The following SCTR variants were observed in gnomAD, a reference collection of about 807,000 sequenced individuals.
The protein encoded by SCTR is secretin receptor.
SCTR carries 56 observed loss-of-function variants against 60.8 expected under a neutral mutation model. The observed-to-expected ratio is 0.92, with a 90% CI of 0.74 to 1.15. The LOEUF is 1.15. Ranked by LOEUF, SCTR falls within the 50% of genes most tolerant of loss-of-function variation. SCTR has a pLI of 0.00. For missense variants in SCTR, 562 were observed against 550.4 expected (o/e 1.02, Z -0.21); for synonymous variants, 202 against 217.0 (o/e 0.93, Z 0.61).
intron 2 of SCTR, among the ~76,000 whole-genome samples, chr2:119,492,834 A>ATTTG (rs1162766782): frequency 8.8e-3 from 4 of 454 alleles, no homozygotes; most frequent in African/African-American, 0.057. Flanking sequence ...CTTTTTTAAT[A>ATTTG]TTTATTTATT....
At chr2:119,517,869 T>A (rs1679164427) in intron 1 of SCTR, among the ~76,000 whole-genome samples, 1 of 152,156 alleles carries the variant, frequency 6.6e-6, no homozygotes, top group African/African-American at 2.4e-5. Context: ...CTCCACTAAA[T>A]TCATATGTTG....
chr2:119,473,426 T>C lies in SCTR; in HGVS notation c.405+27A>G, dbSNP rs752528854. On this transcript the variant is annotated intron_variant, in intron 4 of 12. Coordinates refer to ENST00000019103, the MANE Select transcript of SCTR (RefSeq NM_002980.3). ...ACCCTATAGGTTCCTGTCCCCGGGT[T>C]CGTGGGGTGGAGGTTGACAGGCTTA... 5 of 1,523,766 alleles carry C rather than the reference T, an allele frequency of 3.3e-6. No homozygotes were observed. In the South Asian group the frequency reaches 3.4e-5, roughly 10 times the overall value. The allele number at this position is 1,523,766 out of a possible 1,614,324, so 94.4% of individuals were successfully genotyped here.
At chr2:119,501,252 T>C (rs541417633) in intron 1 of SCTR, among the ~76,000 whole-genome samples, 7 of 152,014 alleles carry the variant, frequency 4.6e-5, no homozygotes, top group East Asian at 1.9e-4. Flanking sequence ...CTACTAAAAA[T>C]ACAAAAAATT....
Position 119,461,914 on chromosome 2 carries a change from G to T in SCTR, c.723C>A (p.His241Gln). ...SWLLVEGLYL[H>Q]TLLAISFFSE... ...AGAAGAAGGAGATGGCGAGGAGTGT[G>T]TGAAGGTAGAGGCCTTCCACCAGCA... The change falls in exon 7 of 13, where the codon CAC (histidine) becomes CAA (glutamine). Residue 241 changes from histidine to glutamine, a missense_variant. His to Gln is a conservative substitution (Grantham distance 24). Transcript: ENST00000019103. 1 of 1,614,040 alleles carries T rather than the reference G, an allele frequency of 6.2e-7. No individual in the cohort carries two copies. The highest frequency in any genetic ancestry group is 1.1e-5 in the South Asian group (1 of 91,032).
At chr2:119,508,854 C>T (rs550949564) in intron 1 of SCTR, among the ~76,000 whole-genome samples, 1 of 152,146 alleles carries the variant, frequency 6.6e-6, no homozygotes, top group Admixed American at 6.5e-5. Flanking sequence ...ACTCTCTAAG[C>T]AATTTTCAAA....
At chr2:119,494,660 C>T in intron 1 of SCTR, 112 bp from the exon 2 acceptor site, 1 of 1,135,290 alleles carries the variant, frequency 8.8e-7, no homozygotes, top group African/African-American at 1.5e-5. Flanking sequence ...TAAAGCAAAG[C>T]CCTTGCCTGC....
chr2:119,489,210 G>A lies in SCTR; in HGVS notation c.193+5218C>T, dbSNP rs140958509. Among the ~76,000 whole-genome samples, 575 of 152,252 alleles carry A rather than the reference G, an allele frequency of 3.8e-3. 4 individuals are homozygous for A. Among genetic ancestry groups the A allele is most frequent in the African/African-American group, 0.013 (529 of 41,534 alleles). On this transcript the variant is annotated intron_variant, in intron 2 of 12. Transcript: ENST00000019103. Reference sequence around the variant, plus strand: ...AGACCCTGGAAAGCATCCCTCCACCGGTGACCAGGACCACGTTGCTCGCCT... The same window carrying A: ...AGACCCTGGAAAGCATCCCTCCACCAGTGACCAGGACCACGTTGCTCGCCT...
rs1683034307 is a variant in SCTR, at chr2:119,448,888, C to A, written c.922-108G>T. 1.1e-5 allele frequency: 7 copies of A among 655,460 alleles called. No individual in the cohort carries two copies. The South Asian group carries it at 1.2e-4, about 12-fold the overall frequency. The allele number at this position is 655,460 out of a possible 1,614,324, so 40.6% of individuals were successfully genotyped here. On this transcript the variant is annotated intron_variant, in intron 9 of 12. Transcript: ENST00000019103. Reference sequence around the variant, plus strand: ...GGCAGAGAAGACATTGCAGACACCACAGCCAGGATGGCCCACCAGTGCTGC... The same window carrying A: ...GGCAGAGAAGACATTGCAGACACCAAAGCCAGGATGGCCCACCAGTGCTGC...
intron 4 of SCTR, among the ~76,000 whole-genome samples, 188 bp from the exon 5 acceptor site, chr2:119,466,074 C>T (rs984821188): frequency 3.3e-5 from 5 of 152,062 alleles, no homozygotes; most frequent in East Asian, 3.9e-4. Context: ...TAGGGATCAT[C>T]TGATGATCCC....
At chr2:119,443,516 G>A (rs1682733054) in intron 11 of SCTR, among the ~76,000 whole-genome samples, 1 of 152,016 alleles carries the variant, frequency 6.6e-6, no homozygotes, top group Non-Finnish European at 1.5e-5. Flanking sequence ...TTCACAATAA[G>A]CAAGCATTAT....
intron 1 of SCTR, among the ~76,000 whole-genome samples, chr2:119,509,110 C>T (rs143873454): frequency 4.6e-4 from 70 of 152,282 alleles, no homozygotes; most frequent in African/African-American, 1.6e-3. Context: ...GTCAATGGGA[C>T]GTTAGTGATT....
intron 1 of SCTR, among the ~76,000 whole-genome samples, chr2:119,509,389 G>GT (rs1471102582): frequency 2.0e-5 from 3 of 152,162 alleles, no homozygotes; most frequent in Non-Finnish European, 4.4e-5. Flanking sequence ...CTCCAGGGCG[G>GT]TATCAATGTG....
intron 3 of SCTR, among the ~76,000 whole-genome samples, chr2:119,477,602 C>T (rs1364670361): frequency 6.6e-6 from 1 of 152,114 alleles, no homozygotes; most frequent in Non-Finnish European, 1.5e-5. Context: ...AGGTGTGCAC[C>T]ACCACGCCTA....
intron 1 of SCTR, among the ~76,000 whole-genome samples, chr2:119,496,863 A>C (rs544967416): frequency 0.018 from 2,666 of 151,854 alleles, 35 homozygotes; most frequent in South Asian, 0.025. Context: ...GGGAGTCCGG[A>C]CCCCCACCCT....
intron 9 of SCTR, among the ~76,000 whole-genome samples, chr2:119,450,848 G>C (rs1683136200): frequency 6.6e-6 from 1 of 152,114 alleles, no homozygotes; most frequent in Non-Finnish European, 1.5e-5. Flanking sequence ...TTTAGTCCCA[G>C]CTACTCGGGA....
intron 1 of SCTR, among the ~76,000 whole-genome samples, chr2:119,523,910 G>T (rs1333512032): frequency 6.6e-6 from 1 of 152,224 alleles, no homozygotes; most frequent in Non-Finnish European, 1.5e-5. Context: ...AGGGGTCGGT[G>T]GTGGGCACAG....
At chr2:119,450,392 C>T (rs1050585752) in intron 9 of SCTR, among the ~76,000 whole-genome samples, 2 of 152,086 alleles carry the variant, frequency 1.3e-5, no homozygotes, top group African/African-American at 4.8e-5. Flanking sequence ...TCTCCGAGTC[C>T]CAGAATAACA....
chr2:119,523,968 T>C (rs1448139843), intron 1 of SCTR, among the ~76,000 whole-genome samples, 187 bp downstream of exon 1: 1 of 152,032 alleles, frequency 6.6e-6, no homozygotes, highest in African/African-American at 2.4e-5. Flanking sequence ...ATGTTTTTCT[T>C]TGGGAAAGGG....
intron 11 of SCTR, among the ~76,000 whole-genome samples, chr2:119,442,673 T>G (rs936953265): frequency 6.6e-6 from 1 of 152,180 alleles, no homozygotes; most frequent in Non-Finnish European, 1.5e-5. Context: ...GGGGACTATT[T>G]GAGGGGCAGA....
Sources: gnomAD v4.1 joint callset for allele counts (sites outside exome capture counted in the v4.1 genomes callset) on GRCh38, gnomAD v4.1.1 for gene constraint, MANE v1.5 for transcripts, NCBI Gene and HGNC (gene_info 2026-07-23, HGNC 2026-07-21) for gene names.